Variants in ACO1 observed in about 807,000 individuals in gnomAD.
The protein encoded by ACO1 is aconitase 1.
Under a neutral mutation model 105.1 loss-of-function variants are expected in ACO1, and 78 were observed. The observed-to-expected ratio is 0.74, with a 90% CI of 0.62 to 0.90. The LOEUF (loss-of-function observed/expected upper bound fraction) is 0.90, where lower values mean the gene tolerates loss of function less well. Ranked by LOEUF, ACO1 falls within the 40% of genes least tolerant of loss-of-function variation. The probability of loss-of-function intolerance (pLI) is 0.00; values close to 1 mark genes in which losing one functional copy is unlikely to be tolerated. For synonymous variants in ACO1, 364 were observed against 397.4 expected (o/e 0.92, Z 1.00); for missense variants, 965 against 1,111.1 (o/e 0.87, Z 1.87).
At chr9:32,428,716 C>T (rs1430928932) in intron 12 of ACO1, among the ~76,000 whole-genome samples, 1 of 151,946 alleles carries the variant, frequency 6.6e-6, no homozygotes, top group Admixed American at 6.6e-5. Context: ...TGGTGGCGGG[C>T]ACCTGTAATC....
intron 20 of ACO1, 74 bp from the exon 21 acceptor site, chr9:32,449,924 C>T: frequency 8.4e-7 from 1 of 1,193,268 alleles, no homozygotes; most frequent in Non-Finnish European, 1.2e-6. Context: ...GAGGGGCAGG[C>T]TGGGCAGAAT....
chr9:32,402,943 C>T (rs1821528659), intron 1 of ACO1, among the ~76,000 whole-genome samples: 1 of 152,180 alleles, frequency 6.6e-6, no homozygotes, highest in African/African-American at 2.4e-5. Context: ...TGGCTCAGCA[C>T]AAAGTGGCAG....
At position 32,452,080 on chromosome 9, in the gene ACO1, T is replaced by C. The variant is rs1166614397; in HGVS notation, c.*1969T>C. The C allele has an allele frequency of 1.4e-5, 2 of 140,402 alleles. No homozygotes were observed. Among genetic ancestry groups the C allele is most frequent in the South Asian group, 4.6e-4 (2 of 4,344 alleles). 8.7% of individuals were successfully genotyped at this position (140,402 alleles called of 1,614,324 possible). On this transcript the variant is annotated 3_prime_UTR_variant, in exon 21 of 21. Transcript: ENST00000309951. ...GCTCCGTCTCAAAAAAAAAAAAAAA[T>C]TACAAACAAACAGAACTCCATTGTA...
At chr9:32,435,904 A>G (rs941712211) in intron 17 of ACO1, 1 of 387,270 alleles carries the variant, frequency 2.6e-6, no homozygotes, top group African/African-American at 2.1e-5. Flanking sequence ...TTTCTCACTT[A>G]TTTTTAATTT....
chr9:32,436,329 A>AT lies in ACO1; in HGVS notation c.2181dup (p.Arg728SerfsTer24), dbSNP rs780725848. 2.5e-6 allele frequency: 4 copies of AT among 1,614,084 alleles called. No individual in the cohort carries two copies. The highest frequency in any genetic ancestry group is 3.4e-6 in the Non-Finnish European group (4 of 1,180,024). Reference sequence around the variant, plus strand: ...CATGGCACGGGGAACATTTGCCAACATTCGCTTGTTAAACAGATTTTTGAA... The same window carrying AT: ...CATGGCACGGGGAACATTTGCCAACATTTCGCTTGTTAAACAGATTTTTGAA... On this transcript the variant is annotated frameshift_variant, in exon 18 of 21. Coordinates refer to ENST00000309951, the MANE Select transcript of ACO1 (RefSeq NM_002197.3). LOFTEE classifies it high-confidence loss of function.
chr9:32,430,375 T>A (rs1318404134), intron 13 of ACO1, 43 bp from the exon 14 acceptor site: 1 of 1,580,008 alleles, frequency 6.3e-7, no homozygotes, highest in Admixed American at 1.8e-5. Flanking sequence ...AGAAGCCTAG[T>A]CAGTATCTTT....
intron 12 of ACO1, among the ~76,000 whole-genome samples, chr9:32,427,923 A>G (rs1004183399): frequency 3.3e-5 from 5 of 152,168 alleles, no homozygotes; most frequent in African/African-American, 9.6e-5. Context: ...TCTTTATTTC[A>G]TAAGTTTTTT....
chr9:32,393,790 G>C (rs1212187474), intron 1 of ACO1, among the ~76,000 whole-genome samples: 1 of 152,104 alleles, frequency 6.6e-6, no homozygotes, highest in African/African-American at 2.4e-5. Flanking sequence ...TGAAATATCA[G>C]GGGTGAATTT....
rs115355943 is a variant in ACO1 at position 32,387,123 on chromosome 9, T to G, written c.-23+2388T>G. Among the ~76,000 whole-genome samples the G allele has an allele frequency of 9.5e-3, 1,446 of 152,242 alleles. 21 individuals are homozygous for G. Among genetic ancestry groups the G allele is most frequent in the African/African-American group, 0.033 (1,353 of 41,532 alleles). ...ACTTCCTTTGCCTTCTTTCCCCCAC[T>G]CTTCCTTCTACATAGGAAGTAATTT... On this transcript the variant is annotated intron_variant, in intron 1 of 20. Transcript: ENST00000309951.
At chr9:32,407,189 A>T in intron 2 of ACO1, 72 bp from the exon 3 acceptor site, 1 of 1,401,864 alleles carries the variant, frequency 7.1e-7, no homozygotes, top group Non-Finnish European at 1.0e-6. Flanking sequence ...AACTTTATAT[A>T]GAGATTGGCC....
At chr9:32,447,551 C>T (rs1033318555) in intron 19 of ACO1, among the ~76,000 whole-genome samples, 2 of 152,194 alleles carry the variant, frequency 1.3e-5, no homozygotes, top group Admixed American at 6.5e-5. Context: ...CACCCACCTT[C>T]TGAAGCCTGC....
intron 2 of ACO1, 68 bp downstream of exon 2, chr9:32,405,671 C>A: frequency 8.5e-7 from 1 of 1,180,792 alleles, no homozygotes. Flanking sequence ...TAATTAATTA[C>A]ACTTGAGGAG....
intron 11 of ACO1, among the ~76,000 whole-genome samples, chr9:32,426,703 G>A (rs569352694): frequency 3.3e-4 from 50 of 152,168 alleles, no homozygotes; most frequent in African/African-American, 1.1e-3. Flanking sequence ...CTTGTCTGTG[G>A]CTTTTTGTCC....
chr9:32,385,188 G>C (rs1007140676), intron 1 of ACO1, among the ~76,000 whole-genome samples: 1 of 152,192 alleles, frequency 6.6e-6, no homozygotes, highest in Non-Finnish European at 1.5e-5. Flanking sequence ...AATGGGATGA[G>C]GGGGAAGAGA....
rs530151551 is a variant in ACO1 at position 32,410,554 on chromosome 9, C to T, written c.404+1903C>T. Among the ~76,000 whole-genome samples the T allele has an allele frequency of 7.9e-4, 118 of 149,662 alleles. 1 individual carries two copies. Among genetic ancestry groups the T allele is most frequent in the Non-Finnish European group, 1.5e-3 (100 of 67,682 alleles). The stretch of plus-strand genomic sequence containing the variant: ...CAGCCTGGGCGACAGAGCAAGACTC[C>T]GTCTCAAAAAAAAAAGAGTACCTGA... On this transcript the variant is annotated intron_variant, in intron 4 of 20. Transcript: ENST00000309951.
chr9:32,418,528 A>G lies in ACO1; in HGVS notation c.658+17A>G. On this transcript the variant is annotated intron_variant, in intron 6 of 20. Coordinates refer to ENST00000309951, the MANE Select transcript of ACO1 (RefSeq NM_002197.3). ...TTGGTTGGGGTGAGTGTTCTTCCAT[A>G]TATGCTGTTTTGGGGCATGCACTTT... The G allele has an allele frequency of 1.9e-6, 3 of 1,604,050 alleles. No homozygotes were observed. The South Asian group carries it at 3.3e-5, about 18-fold the overall frequency.
At chr9:32,408,467 C>T (rs774807099) in intron 3 of ACO1, 47 bp from the exon 4 acceptor site, 1 of 1,603,702 alleles carries the variant, frequency 6.2e-7, no homozygotes, top group Non-Finnish European at 8.5e-7. Context: ...AATCCAGTTA[C>T]ACACATTTAA....
chr9:32,448,938 C>T lies in ACO1; in HGVS notation c.2413C>T (p.Arg805Cys), dbSNP rs140468249. ...GGCCGAGAGCTACGAGCGCATTCAC[C>T]GCAGTAACCTGGTTGGGATGGGTGT... ...VLAESYERIH[R>C]SNLVGMGVIP... The change falls in exon 20 of 21, where the codon CGC becomes TGC. Residue 805 changes from arginine to cysteine, a missense_variant. Coordinates refer to ENST00000309951, the MANE Select transcript of ACO1 (RefSeq NM_002197.3). 130 of 1,614,202 alleles carry T rather than the reference C, an allele frequency of 8.1e-5. No homozygotes were observed. The highest frequency in any genetic ancestry group is 2.2e-4 in the East Asian group (10 of 44,878).
intron 15 of ACO1, 66 bp from the exon 16 acceptor site, chr9:32,433,662 T>C (rs1822288993): frequency 8.4e-7 from 1 of 1,197,266 alleles, no homozygotes; most frequent in East Asian, 2.3e-5. Flanking sequence ...GTATGTTTTG[T>C]GTTTGCATAT....
Sources: gnomAD v4.1 joint callset for allele counts (sites outside exome capture counted in the v4.1 genomes callset) on GRCh38, gnomAD v4.1.1 for gene constraint, MANE v1.5 for transcripts, NCBI Gene and HGNC (gene_info 2026-07-23, HGNC 2026-07-21) for gene names.